Variants in MARCHF3 observed in about 807,000 individuals in gnomAD.
MARCHF3 encodes the protein E3 ubiquitin-protein ligase MARCHF3.
MARCHF3 carries 13 observed loss-of-function variants against 24.2 expected under a neutral mutation model. The observed-to-expected ratio is 0.54, with a 90% CI of 0.35 to 0.85. MARCHF3 has a LOEUF of 0.85. Ranked by LOEUF, MARCHF3 falls within the 40% of genes least tolerant of loss-of-function variation. The pLI, the probability that MARCHF3 is intolerant of heterozygous loss-of-function variation, is 0.01. For synonymous variants in MARCHF3, 144 were observed against 137.3 expected, an observed-to-expected ratio of 1.05 and a Z score of -0.34; for missense variants, 276 against 325.0, an observed-to-expected ratio of 0.85 and a Z score of 1.16.
intron 2 of MARCHF3, among the ~76,000 whole-genome samples, chr5:126,915,869 T>C (rs1754711348): frequency 6.6e-6 from 1 of 152,252 alleles, no homozygotes; most frequent in South Asian, 2.1e-4. Context: ...AGAATCTGGC[T>C]GGCTGGGCTC....
intron 3 of MARCHF3, among the ~76,000 whole-genome samples, chr5:126,907,932 T>C (rs1754362344): frequency 6.6e-6 from 1 of 152,158 alleles, no homozygotes; most frequent in African/African-American, 2.4e-5. Flanking sequence ...TCTTTACATT[T>C]TGGCATGATT....
At chr5:126,994,574 G>T (rs1160186860) in intron 1 of MARCHF3, among the ~76,000 whole-genome samples, 1 of 152,164 alleles carries the variant, frequency 6.6e-6, no homozygotes, top group Admixed American at 6.5e-5. Flanking sequence ...ATGTAAGAAA[G>T]GCAGACTTCA....
chr5:126,954,491 T>C, intron 1 of MARCHF3, among the ~76,000 whole-genome samples: 1 of 151,852 alleles, frequency 6.6e-6, no homozygotes, highest in Non-Finnish European at 1.5e-5. Context: ...CTGCCTCAGC[T>C]TCCTGGATAG....
rs538492333 is a variant in MARCHF3 at position 126,968,218 on chromosome 5, T to C, written c.-56-49991A>G. Among the ~76,000 whole-genome samples, 6 of 152,338 alleles carry C rather than the reference T, an allele frequency of 3.9e-5. No individual in the cohort carries two copies. The South Asian group carries it at 1.2e-3, about 32-fold the overall frequency. On this transcript the variant is annotated intron_variant, in intron 1 of 4. Transcript: ENST00000308660. ...TCATCAGTTGGACAGTTGGGTTGTT[T>C]CCACATACATTTTCAATTCTACTGG...
chr5:126,916,692 GACACACACACACAC>G (rs34090036), intron 2 of MARCHF3, among the ~76,000 whole-genome samples: 27 of 130,558 alleles, frequency 2.1e-4, no homozygotes, highest in East Asian at 4.8e-4. Context: ...CAGACAGACA[GACACACACACACAC>G]ACACACACAC....
At chr5:126,906,858 A>T (rs1207258334) in intron 3 of MARCHF3, among the ~76,000 whole-genome samples, 21 of 152,028 alleles carry the variant, frequency 1.4e-4, no homozygotes, top group African/African-American at 5.1e-4. Context: ...GCCTTCTGCT[A>T]GCTTTTGAAT....
intron 1 of MARCHF3, among the ~76,000 whole-genome samples, chr5:126,968,832 G>A (rs531833907): frequency 2.5e-4 from 38 of 152,246 alleles, no homozygotes; most frequent in Admixed American, 7.9e-4. Context: ...TGGGATTACC[G>A]GTGTGAGCTA....
intron 1 of MARCHF3, among the ~76,000 whole-genome samples, chr5:126,960,649 C>T (rs1299640562): frequency 1.3e-5 from 2 of 152,006 alleles, no homozygotes; most frequent in African/African-American, 2.4e-5. Flanking sequence ...AGACAATGAC[C>T]TCCTGCTACT....
chr5:127,025,117 T>A (rs1752953083), intron 1 of MARCHF3, among the ~76,000 whole-genome samples: 1 of 152,006 alleles, frequency 6.6e-6, no homozygotes. Flanking sequence ...TGTGCAGAGA[T>A]TAATAAAATA....
chr5:126,906,706 CTTTT>C (rs1023716917), intron 3 of MARCHF3, among the ~76,000 whole-genome samples: 8 of 152,266 alleles, frequency 5.3e-5, no homozygotes, highest in African/African-American at 1.9e-4. Context: ...ATTCTTCTCT[CTTTT>C]TTTCTTTATT....
intron 1 of MARCHF3, among the ~76,000 whole-genome samples, chr5:126,958,818 G>A (rs1198157093): frequency 1.3e-5 from 2 of 152,164 alleles, no homozygotes; most frequent in Admixed American, 1.3e-4. Flanking sequence ...ACTCCACAAT[G>A]ATGGGGCTAT....
chr5:126,870,907 G>T (rs1345015008), intron 4 of MARCHF3, 116 bp from the exon 5 acceptor site: 2 of 1,391,138 alleles, frequency 1.4e-6, no homozygotes, highest in African/African-American at 1.4e-5. Flanking sequence ...AAGCACTATG[G>T]CAGGGCAAGA....
intron 1 of MARCHF3, among the ~76,000 whole-genome samples, chr5:126,995,591 C>T (rs987168358): frequency 6.6e-6 from 1 of 152,232 alleles, no homozygotes; most frequent in Non-Finnish European, 1.5e-5. Flanking sequence ...ATTCCTTTTA[C>T]AGACTTATTT....
At chr5:126,902,825 G>A (rs988116581) in intron 3 of MARCHF3, among the ~76,000 whole-genome samples, 7 of 152,086 alleles carry the variant, frequency 4.6e-5, no homozygotes, top group African/African-American at 1.5e-4. Context: ...TTGTTGGGGT[G>A]TGGTCATCAG....
chr5:126,949,712 A>G (rs546344994), intron 1 of MARCHF3, among the ~76,000 whole-genome samples: 1 of 152,174 alleles, frequency 6.6e-6, no homozygotes, highest in Non-Finnish European at 1.5e-5. Flanking sequence ...ATAATTCAAA[A>G]GCAGATGTTG....
intron 3 of MARCHF3, among the ~76,000 whole-genome samples, chr5:126,881,409 TGGTAA>T (rs924825731): frequency 1.8e-4 from 27 of 152,172 alleles, no homozygotes; most frequent in Non-Finnish European, 3.5e-4. Flanking sequence ...CCCTTGGCCA[TGGTAA>T]GAGCTACTAA....
At chr5:127,004,559 T>G (rs774217022) in intron 1 of MARCHF3, among the ~76,000 whole-genome samples, 5 of 152,208 alleles carry the variant, frequency 3.3e-5, no homozygotes, top group African/African-American at 4.8e-5. Context: ...ATGAAGCTTA[T>G]GAAATTCCAT....
intron 1 of MARCHF3, among the ~76,000 whole-genome samples, chr5:126,947,744 A>G (rs1217271693): frequency 6.6e-6 from 1 of 152,148 alleles, no homozygotes; most frequent in African/African-American, 2.4e-5. Flanking sequence ...AATTGAATAC[A>G]TATTCATAGA....
chr5:126,908,775 T>C (rs376455890), intron 3 of MARCHF3, among the ~76,000 whole-genome samples: 6,321 of 147,276 alleles, frequency 0.043, 286 homozygotes, highest in African/African-American at 0.11. Flanking sequence ...AATGTCCTCC[T>C]GTAGCTCAGA....
Sources: allele counts gnomAD v4.1 joint callset (sites outside exome capture counted in the v4.1 genomes callset), GRCh38; gene constraint gnomAD v4.1.1; transcripts MANE v1.5; gene names NCBI Gene and HGNC (gene_info 2026-07-23, HGNC 2026-07-21).